The following MEIKIN variants were observed in gnomAD, a reference collection of about 807,000 sequenced individuals.
The protein encoded by MEIKIN is meiosis-specific kinetochore protein.
At chr5:131,942,417 A>G (rs1459378436) in intron 4 of MEIKIN, among the ~76,000 whole-genome samples, 1 of 152,208 alleles carries the variant, frequency 6.6e-6, no homozygotes, top group African/African-American at 2.4e-5. Context: ...ACTCAAGTCA[A>G]TCTCTTTTAC....
At chr5:131,809,527 G>C (rs929268505) in intron 12 of MEIKIN, among the ~76,000 whole-genome samples, 1 of 152,198 alleles carries the variant, frequency 6.6e-6, no homozygotes, top group Admixed American at 6.5e-5. Context: ...CCAAAGAACA[G>C]GCTGGGTGCG....
chr5:131,876,904 C>A (rs1242621346), intron 9 of MEIKIN, among the ~76,000 whole-genome samples: 47 of 151,076 alleles, frequency 3.1e-4, no homozygotes, highest in Admixed American at 4.7e-4. Flanking sequence ...GGACAAAAAA[C>A]CAAACACCGC....
intron 5 of MEIKIN, among the ~76,000 whole-genome samples, chr5:131,931,482 G>A (rs1203627305): frequency 1.3e-5 from 2 of 152,204 alleles, no homozygotes; most frequent in African/African-American, 2.4e-5. Flanking sequence ...AGGCAAGACC[G>A]AAATCAGTTC....
At chr5:131,821,543 T>C (rs895917672) in intron 11 of MEIKIN, among the ~76,000 whole-genome samples, 7 of 152,104 alleles carry the variant, frequency 4.6e-5, no homozygotes, top group African/African-American at 1.2e-4. Flanking sequence ...AGTCTGATGT[T>C]TCTTTGTTGA....
chr5:131,844,709 C>T (rs1749978788), intron 11 of MEIKIN, among the ~76,000 whole-genome samples: 1 of 152,148 alleles, frequency 6.6e-6, no homozygotes, highest in Non-Finnish European at 1.5e-5. Context: ...CTAATGCTTA[C>T]ACAATATTGG....
chr5:131,811,933 T>G (rs1007335051), intron 12 of MEIKIN, among the ~76,000 whole-genome samples: 1 of 152,208 alleles, frequency 6.6e-6, no homozygotes, highest in African/African-American at 2.4e-5. Flanking sequence ...TACACAGAAA[T>G]GTACACATAT....
intron 9 of MEIKIN, among the ~76,000 whole-genome samples, chr5:131,855,658 GAGA>G (rs1750180191): frequency 6.6e-6 from 1 of 151,938 alleles, no homozygotes; most frequent in South Asian, 2.1e-4. Context: ...GGAAGACCAA[GAGA>G]AGGAGAGAGG....
intron 11 of MEIKIN, among the ~76,000 whole-genome samples, chr5:131,844,277 C>T (rs1050350775): frequency 3.9e-5 from 6 of 152,078 alleles, no homozygotes; most frequent in African/African-American, 1.4e-4. Flanking sequence ...TCCAGACTTA[C>T]CCTTTCACCT....
chr5:131,832,526 T>A (rs901160458), intron 11 of MEIKIN, among the ~76,000 whole-genome samples: 2 of 152,162 alleles, frequency 1.3e-5, no homozygotes, highest in East Asian at 3.9e-4. Context: ...TGGAGGACAG[T>A]GGCCCTTTTC....
rs7708066 is a variant in MEIKIN, at chr5:131,907,550, T to C, written c.703+4265A>G. Among the ~76,000 whole-genome samples, 79 of 150,370 alleles carry C rather than the reference T, an allele frequency of 5.3e-4. 1 individual carries two copies. Among genetic ancestry groups the C allele is most frequent in the African/African-American group, 1.7e-3 (69 of 40,884 alleles). On this transcript the variant is annotated intron_variant, in intron 8 of 12. Coordinates refer to ENST00000442687, the MANE Select transcript of MEIKIN (RefSeq NM_001303622.2). ...GAGCAACTACATGCCAGTAGACATA[T>C]GCAATCTAGTATGACTGAACCATGA...
At chr5:131,848,988 A>G (rs1482468030) in intron 11 of MEIKIN, among the ~76,000 whole-genome samples, 10 of 152,244 alleles carry the variant, frequency 6.6e-5, no homozygotes, top group African/African-American at 2.4e-4. Context: ...CTGATGCTGA[A>G]AAAGCATTTG....
chr5:131,837,891 T>C (rs1351757066), intron 11 of MEIKIN, among the ~76,000 whole-genome samples: 2 of 152,150 alleles, frequency 1.3e-5, no homozygotes, highest in Non-Finnish European at 2.9e-5. Context: ...TTCCTAATAC[T>C]ATACTAAAGA....
chr5:131,911,359 C>T (rs941314831), intron 8 of MEIKIN, among the ~76,000 whole-genome samples: 10 of 151,910 alleles, frequency 6.6e-5, no homozygotes, highest in African/African-American at 2.4e-4. Flanking sequence ...TGAGATACAG[C>T]AGAGGTTAAT....
chr5:131,819,278 A>C (rs1032198226), intron 11 of MEIKIN, among the ~76,000 whole-genome samples: 1 of 151,938 alleles, frequency 6.6e-6, no homozygotes, highest in African/African-American at 2.4e-5. Context: ...TAATGTTGAC[A>C]ATTTCCCATC....
intron 9 of MEIKIN, among the ~76,000 whole-genome samples, chr5:131,868,417 C>A (rs1020849485): frequency 6.6e-6 from 1 of 152,130 alleles, no homozygotes; most frequent in Non-Finnish European, 1.5e-5. Flanking sequence ...ATTCCAATTG[C>A]CTAATGACAT....
intron 12 of MEIKIN, among the ~76,000 whole-genome samples, chr5:131,817,930 G>A (rs1317179142): frequency 6.6e-6 from 1 of 152,162 alleles, no homozygotes; most frequent in African/African-American, 2.4e-5. Flanking sequence ...CATTCTGGCT[G>A]AAGCATAGTG....
intron 4 of MEIKIN, among the ~76,000 whole-genome samples, chr5:131,934,739 C>T (rs367772513): frequency 1.3e-5 from 2 of 152,060 alleles, no homozygotes; most frequent in Non-Finnish European, 2.9e-5. Flanking sequence ...AAATTTAAAA[C>T]GTCCCTTCAA....
chr5:131,853,821 C>G (rs1455191548), intron 10 of MEIKIN, among the ~76,000 whole-genome samples: 1 of 152,076 alleles, frequency 6.6e-6, no homozygotes, highest in Non-Finnish European at 1.5e-5. Flanking sequence ...ATAAGAACTA[C>G]TATTACAAAA....
intron 3 of MEIKIN, 176 bp downstream of exon 3, chr5:131,944,489 C>T (rs1422383109): frequency 1.0e-5 from 4 of 390,412 alleles, no homozygotes; most frequent in Non-Finnish European, 1.8e-5. Flanking sequence ...TATGAATCTA[C>T]CCAAGTCAGA....
Sources: gnomAD v4.1 joint callset for allele counts (sites outside exome capture counted in the v4.1 genomes callset) on GRCh38, gnomAD v4.1.1 for gene constraint, MANE v1.5 for transcripts, NCBI Gene and HGNC (gene_info 2026-07-23, HGNC 2026-07-21) for gene names.